Variants in GPC5 observed in about 807,000 individuals in gnomAD.
The protein encoded by GPC5 is glypican-5.
A neutral mutation model predicts 53.9 loss-of-function variants in GPC5; 47 were observed. That is an observed-to-expected ratio of 0.87 (90% CI 0.69 to 1.11). The LOEUF is 1.11. Ranked by LOEUF, GPC5 falls within the 50% of genes most tolerant of loss-of-function variation. GPC5 has a pLI of 0.00. For missense variants in GPC5, 748 were observed against 713.1 expected, an observed-to-expected ratio of 1.05 and a Z score of -0.56; for synonymous variants, 286 against 263.3, an observed-to-expected ratio of 1.09 and a Z score of -0.84.
chr13:92,520,640 C>A (rs75387144), intron 7 of GPC5, among the ~76,000 whole-genome samples: 100,157 of 151,846 alleles, frequency 0.66, 33,389 homozygotes, highest in East Asian at 0.75. Context: ...TCAAAATAAT[C>A]AGAGGTGTTT....
intron 7 of GPC5, among the ~76,000 whole-genome samples, chr13:92,792,208 T>A (rs375344457): frequency 1.3e-5 from 2 of 151,990 alleles, no homozygotes; most frequent in South Asian, 4.1e-4. Context: ...TAACAGCAGA[T>A]CTCTCGGCAG....
At chr13:92,367,419 CTTTGTA>C (rs1460835075) in intron 7 of GPC5, among the ~76,000 whole-genome samples, 1 of 152,126 alleles carries the variant, frequency 6.6e-6, no homozygotes, top group Non-Finnish European at 1.5e-5. Context: ...GAAGAATTTT[CTTTGTA>C]ATGGATTTGC....
Position 92,866,406 on chromosome 13 carries a change from A to G in GPC5, c.1686A>G (p.Ile562Met), listed in dbSNP as rs1879338980. 6.2e-7 allele frequency: 1 copy of G among 1,609,370 alleles called. No homozygotes were observed. The highest frequency in any genetic ancestry group is 1.3e-5 in the African/African-American group (1 of 74,706). The change falls in exon 8 of 8, where the codon ATA (isoleucine) becomes ATG (methionine). Residue 562 changes from isoleucine (I) to methionine (M), a missense_variant. Ile to Met is a conservative substitution (Grantham distance 10). Transcript: ENST00000377067. ...VATESMTFTLISVVMLLPGIW is the reference protein window; with the variant it reads ...VATESMTFTLMSVVMLLPGIW ...CTGAATCTATGACATTCACTCTGAT[A>G]AGTGTGGTGATGTTACTTCCCGGGA...
intron 7 of GPC5, among the ~76,000 whole-genome samples, chr13:92,679,837 C>T (rs545543070): frequency 1.1e-4 from 16 of 152,156 alleles, no homozygotes; most frequent in African/African-American, 3.1e-4. Flanking sequence ...CGCTCGCGTG[C>T]GTGCTCTCTC....
chr13:92,327,224 G>A (rs376088194), intron 7 of GPC5, among the ~76,000 whole-genome samples: 5 of 152,218 alleles, frequency 3.3e-5, no homozygotes, highest in African/African-American at 9.6e-5. Flanking sequence ...AGAGCCAAAC[G>A]CCCAGGTTTA....
At chr13:91,929,506 C>G (rs1004401166) in intron 6 of GPC5, among the ~76,000 whole-genome samples, 1 of 152,092 alleles carries the variant, frequency 6.6e-6, no homozygotes, top group African/African-American at 2.4e-5. Context: ...TCAACGTAAA[C>G]TTTTAGCAGA....
chr13:92,809,429 G>A lies in GPC5; in HGVS notation c.1562-56853G>A, dbSNP rs564264947. 1.1e-4 allele frequency among the ~76,000 whole-genome samples: 16 copies of A among 152,178 alleles called. 1 individual carries two copies. The East Asian group carries it at 2.9e-3, about 28-fold the overall frequency. On this transcript the variant is annotated intron_variant, in intron 7 of 7. Transcript: ENST00000377067. ...ACAATTCAGTGAGGTGCAGAGGGTGGATTTCGTTACAGCTGTGGTACACTT... is the reference window on the plus strand; with the variant it reads ...ACAATTCAGTGAGGTGCAGAGGGTGAATTTCGTTACAGCTGTGGTACACTT...
chr13:92,287,414 T>C (rs551368018), intron 7 of GPC5, among the ~76,000 whole-genome samples: 1 of 152,308 alleles, frequency 6.6e-6, no homozygotes, highest in East Asian at 1.9e-4. Context: ...ATTGTCTTAA[T>C]GCTCTTTGTT....
chr13:92,863,015 G>A (rs2138857247), intron 7 of GPC5, among the ~76,000 whole-genome samples: 1 of 152,218 alleles, frequency 6.6e-6, no homozygotes, highest in African/African-American at 2.4e-5. Flanking sequence ...TCATTAACTT[G>A]CCCACATGGA....
At chr13:91,473,963 G>A (rs1445867503) in intron 2 of GPC5, among the ~76,000 whole-genome samples, 1 of 152,072 alleles carries the variant, frequency 6.6e-6, no homozygotes, top group Non-Finnish European at 1.5e-5. Context: ...AAACAATATT[G>A]TAGTTTTTAT....
At chr13:92,571,237 C>T (rs1400542806) in intron 7 of GPC5, among the ~76,000 whole-genome samples, 2 of 152,076 alleles carry the variant, frequency 1.3e-5, no homozygotes, top group African/African-American at 2.4e-5. Flanking sequence ...AAATTGTTGC[C>T]ACATATATGG....
At chr13:91,410,977 C>A (rs1045098313) in intron 1 of GPC5, among the ~76,000 whole-genome samples, 2 of 152,022 alleles carry the variant, frequency 1.3e-5, no homozygotes, top group African/African-American at 4.8e-5. Flanking sequence ...GGCGTAGTGG[C>A]ACGTGCCTGT....
intron 2 of GPC5, among the ~76,000 whole-genome samples, chr13:91,450,264 A>C (rs1566409346): frequency 9.9e-5 from 15 of 152,194 alleles, no homozygotes; most frequent in African/African-American, 3.4e-4. Flanking sequence ...ATTTACTGAT[A>C]TACATTTTAA....
intron 7 of GPC5, among the ~76,000 whole-genome samples, chr13:92,604,654 G>T (rs1884191470): frequency 6.6e-6 from 1 of 152,080 alleles, no homozygotes; most frequent in Non-Finnish European, 1.5e-5. Flanking sequence ...AATGACGTTT[G>T]ATTTTTGTCA....
chr13:91,615,753 A>G (rs185850189), intron 2 of GPC5, among the ~76,000 whole-genome samples: 21 of 152,236 alleles, frequency 1.4e-4, no homozygotes, highest in Admixed American at 1.2e-3. Flanking sequence ...TTTCCCCTTT[A>G]CTCAATACAG....
intron 7 of GPC5, among the ~76,000 whole-genome samples, chr13:92,237,656 G>A (rs890499839): frequency 6.6e-6 from 1 of 151,788 alleles, no homozygotes; most frequent in African/African-American, 2.4e-5. Flanking sequence ...ATTTTTTATG[G>A]CATCTTTGTC....
chr13:91,890,091 A>G lies in GPC5; in HGVS notation c.1281-17846A>G, dbSNP rs192682143. On this transcript the variant is annotated intron_variant, in intron 5 of 7. Transcript: ENST00000377067. ...TGTGGAGGATTACACAATTGTTTTG[A>G]CATAGTTATCCTTGATTACAAGGAT... Among the ~76,000 whole-genome samples the G allele has an allele frequency of 9.0e-4, 137 of 152,296 alleles. 1 individual carries two copies. Among genetic ancestry groups the G allele is most frequent in the African/African-American group, 2.9e-3 (121 of 41,568 alleles).
At chr13:91,517,791 C>T (rs1005432447) in intron 2 of GPC5, among the ~76,000 whole-genome samples, 6 of 152,082 alleles carry the variant, frequency 3.9e-5, no homozygotes, top group East Asian at 1.9e-4. Flanking sequence ...TGGCAGGAGG[C>T]GAAAGGCACT....
At chr13:91,920,195 C>T (rs2039697843) in intron 6 of GPC5, among the ~76,000 whole-genome samples, 1 of 151,966 alleles carries the variant, frequency 6.6e-6, no homozygotes, top group South Asian at 2.1e-4. Flanking sequence ...TATGAATATC[C>T]TCCAAAAAAT....
Sources: gnomAD v4.1 joint callset for allele counts (sites outside exome capture counted in the v4.1 genomes callset) on GRCh38, gnomAD v4.1.1 for gene constraint, MANE v1.5 for transcripts, NCBI Gene and HGNC (gene_info 2026-07-23, HGNC 2026-07-21) for gene names.